LRRC7: variants seen among roughly 807,000 people sequenced by gnomAD.
The protein encoded by LRRC7 is leucine-rich repeat-containing protein 7.
In LRRC7, 23 loss-of-function variants were observed where a neutral mutation model predicts 175.7. The ratio of observed to expected loss-of-function variants is 0.13; its 90% CI spans 0.09 to 0.19. The LOEUF is 0.19. Ranked by LOEUF, LRRC7 falls within the 10% of genes least tolerant of loss-of-function variation. The pLI is 1.00. For synonymous variants in LRRC7, 685 were observed against 680.9 expected, an observed-to-expected ratio of 1.01 and a Z score of -0.09; for missense variants, 1,354 against 1,904.7, an observed-to-expected ratio of 0.71 and a Z score of 5.38.
intron 22 of LRRC7, among the ~76,000 whole-genome samples, chr1:70,051,585 G>C (rs1660749467): frequency 6.6e-6 from 1 of 151,820 alleles, no homozygotes; most frequent in Non-Finnish European, 1.5e-5. Context: ...ATGTTGTCTA[G>C]ATTGAATTTT....
At chr1:69,654,138 G>A (rs1656261054) in intron 1 of LRRC7, among the ~76,000 whole-genome samples, 2 of 150,040 alleles carry the variant, frequency 1.3e-5, no homozygotes, top group Admixed American at 6.7e-5. Context: ...ACCACAACAA[G>A]CAAAAGCACT....
intron 1 of LRRC7, among the ~76,000 whole-genome samples, chr1:69,572,617 A>C (rs1645783222): frequency 6.6e-6 from 1 of 152,148 alleles, no homozygotes; most frequent in Non-Finnish European, 1.5e-5. Context: ...TATAGAAACA[A>C]CTGTAGAGTA....
chr1:70,049,590 C>A (rs1190133637), intron 22 of LRRC7, among the ~76,000 whole-genome samples: 10 of 152,082 alleles, frequency 6.6e-5, no homozygotes, highest in African/African-American at 2.4e-4. Flanking sequence ...CAAATAAATT[C>A]TTATAGACAG....
intron 7 of LRRC7, among the ~76,000 whole-genome samples, chr1:69,928,642 T>C (rs1295178535): frequency 6.6e-6 from 1 of 152,194 alleles, no homozygotes; most frequent in East Asian, 1.9e-4. Flanking sequence ...TGGTGCGCCA[T>C]TTTTTAAGCC....
rs941110740 is a variant in LRRC7, at chr1:70,134,642, T to C, written c.*12755T>C. ...TTTTCCTCCAAAAAAAACAATTTCC[T>C]TCTAGCCACATGATCACCAGATACT... On this transcript the variant is annotated 3_prime_UTR_variant, in exon 27 of 27. Coordinates refer to ENST00000651989, the MANE Select transcript of LRRC7 (RefSeq NM_001370785.2). Among the ~76,000 whole-genome samples the C allele has an allele frequency of 1.3e-5, 2 of 152,228 alleles. No homozygotes were observed. Among genetic ancestry groups the C allele is most frequent in the African/African-American group, 2.4e-5 (1 of 41,456 alleles).
rs1172403797 is a variant in LRRC7 at position 70,082,781 on chromosome 1, ATTT to A, written c.4452+6512_4452+6514del. 6.9e-3 allele frequency among the ~76,000 whole-genome samples: 360 copies of A among 52,272 alleles called. 73 individuals are homozygous for A. Among genetic ancestry groups the A allele is most frequent in the African/African-American group, 0.012 (191 of 16,166 alleles). The allele number at this position is 52,272 out of a possible 152,430, so 34.3% of individuals were successfully genotyped here. On this transcript the variant is annotated intron_variant, in intron 24 of 26. Transcript: ENST00000651989. Reference sequence around the variant, plus strand: ...TATTAGTCAATCTTGATACCAGTACATTTTTTTTTTTTTTTTTTTTTTTTTTTT... The same window carrying A: ...TATTAGTCAATCTTGATACCAGTACATTTTTTTTTTTTTTTTTTTTTTTTT...
chr1:69,661,208 A>G (rs972455612), intron 1 of LRRC7, among the ~76,000 whole-genome samples: 3 of 152,162 alleles, frequency 2.0e-5, no homozygotes, highest in African/African-American at 4.8e-5. Flanking sequence ...ACACAGAACT[A>G]TGTGATGTCC....
chr1:69,796,533 C>T (rs941029071), intron 4 of LRRC7, among the ~76,000 whole-genome samples: 19 of 152,204 alleles, frequency 1.2e-4, no homozygotes, highest in African/African-American at 4.6e-4. Context: ...GCCTGTAATC[C>T]CAGTACTTTG....
intron 11 of LRRC7, among the ~76,000 whole-genome samples, chr1:70,002,288 T>A (rs1188182361): frequency 1.3e-5 from 2 of 152,208 alleles, no homozygotes; most frequent in Non-Finnish European, 2.9e-5. Flanking sequence ...TTCTTCTCTA[T>A]GGGCATCAGA....
intron 7 of LRRC7, among the ~76,000 whole-genome samples, chr1:69,888,009 T>G (rs1481506862): frequency 9.2e-6 from 1 of 108,940 alleles, no homozygotes; most frequent in Non-Finnish European, 2.0e-5. Flanking sequence ...GGAGAACCAC[T>G]GCTCCCTTCA....
At chr1:69,779,859 G>A (rs1025735952) in intron 3 of LRRC7, among the ~76,000 whole-genome samples, 5 of 152,148 alleles carry the variant, frequency 3.3e-5, no homozygotes, top group African/African-American at 1.2e-4. Context: ...AATGTTACTT[G>A]ATACTACCAG....
chr1:69,830,180 A>G (rs1486600643), intron 5 of LRRC7, among the ~76,000 whole-genome samples: 3 of 151,792 alleles, frequency 2.0e-5, no homozygotes, highest in Non-Finnish European at 3.0e-5. Flanking sequence ...TATTTGCTGT[A>G]GGATACATTC....
chr1:69,767,413 A>G (rs1269652057), intron 3 of LRRC7, among the ~76,000 whole-genome samples: 3 of 152,148 alleles, frequency 2.0e-5, no homozygotes, highest in Non-Finnish European at 4.4e-5. Flanking sequence ...TTGAACTCCA[A>G]TACCCAAATT....
chr1:69,723,467 C>G (rs1315269859), intron 2 of LRRC7, among the ~76,000 whole-genome samples: 1 of 152,104 alleles, frequency 6.6e-6, no homozygotes, highest in Non-Finnish European at 1.5e-5. Context: ...AATAATTTGC[C>G]AGAAGTCCTT....
At chr1:69,711,856 C>A (rs1035754863) in intron 2 of LRRC7, among the ~76,000 whole-genome samples, 2 of 152,122 alleles carry the variant, frequency 1.3e-5, no homozygotes, top group African/African-American at 4.8e-5. Context: ...AGTAGCATGT[C>A]GGAGGCAGGT....
rs561348809 is a variant in LRRC7 at position 69,738,094 on chromosome 1, G to T, written c.101-22097G>T. Among the ~76,000 whole-genome samples, 25 of 152,104 alleles carry T rather than the reference G, an allele frequency of 1.6e-4. 1 individual carries two copies. In the South Asian group the frequency reaches 5.0e-3, roughly 30 times the overall value. ...CATCTTGTCTGGGCTTACTGAGATC[G>T]GTTTTAGTGTCAAATGAAGGCTGAA... On this transcript the variant is annotated intron_variant, in intron 2 of 26. Coordinates refer to ENST00000651989, the MANE Select transcript of LRRC7 (RefSeq NM_001370785.2).
intron 7 of LRRC7, among the ~76,000 whole-genome samples, chr1:69,875,935 C>A (rs1263587753): frequency 6.6e-6 from 1 of 152,038 alleles, no homozygotes; most frequent in Non-Finnish European, 1.5e-5. Flanking sequence ...TATGTGGCTA[C>A]CCATTCTGTA....
At chr1:69,945,340 TG>T (rs1373354246) in intron 8 of LRRC7, among the ~76,000 whole-genome samples, 1 of 152,108 alleles carries the variant, frequency 6.6e-6, no homozygotes, top group Admixed American at 6.6e-5. Context: ...CTGGGCTCTC[TG>T]TTTTATTTCA....
At chr1:70,020,298 A>G (rs1349618602) in intron 15 of LRRC7, among the ~76,000 whole-genome samples, 1 of 151,980 alleles carries the variant, frequency 6.6e-6, no homozygotes, top group Non-Finnish European at 1.5e-5. Context: ...TGCAAAGAAG[A>G]TATTATCATT....
Sources: allele counts gnomAD v4.1 joint callset (sites outside exome capture counted in the v4.1 genomes callset), GRCh38; gene constraint gnomAD v4.1.1; transcripts MANE v1.5; gene names NCBI Gene and HGNC (gene_info 2026-07-23, HGNC 2026-07-21).